ADCY8: variants seen among roughly 807,000 people sequenced by gnomAD.
ADCY8 encodes the protein adenylate cyclase 8, also known as adenylate cyclase type 8.
ADCY8 carries 51 observed loss-of-function variants against 119.7 expected under a neutral mutation model. That is an observed-to-expected ratio of 0.43 (90% CI 0.34 to 0.54). The LOEUF is 0.54. Ranked by LOEUF, ADCY8 falls within the 20% of genes least tolerant of loss-of-function variation. The pLI, the probability that ADCY8 is intolerant of heterozygous loss-of-function variation, is 0.03. For missense variants in ADCY8, 1,383 were observed against 1,598.8 expected (o/e 0.87, Z 2.30); for synonymous variants, 665 against 651.0 (o/e 1.02, Z -0.33).
intron 8 of ADCY8, among the ~76,000 whole-genome samples, chr8:130,883,193 C>T (rs111648316): frequency 1.3e-5 from 2 of 152,082 alleles, no homozygotes; most frequent in South Asian, 2.1e-4. Flanking sequence ...TAAATAAAAG[C>T]GTTTTGTATA....
At chr8:130,838,111 G>A (rs942089509) in intron 11 of ADCY8, among the ~76,000 whole-genome samples, 4 of 152,212 alleles carry the variant, frequency 2.6e-5, no homozygotes, top group East Asian at 1.9e-4. Context: ...ACTGAAGATT[G>A]TTTACAGATT....
At chr8:130,854,557 C>G (rs1665346727) in intron 9 of ADCY8, among the ~76,000 whole-genome samples, 1 of 152,124 alleles carries the variant, frequency 6.6e-6, no homozygotes, top group South Asian at 2.1e-4. Flanking sequence ...TGTCTTTGAT[C>G]CTTGCAGCAA....
In ADCY8 at chr8:130,836,345, A is replaced by C. The variant is rs764024717; in HGVS notation, c.2607T>G (p.Tyr869Ter). ...LAVLLIMIAI[Y>*]ALLTETVYAG... ...CGTAGACGGTCTCAGTGAGCAGGGC[A>C]TAGATGGCAATCATGATCAGCAGCA... is the stretch of plus-strand genomic sequence containing the variant. The change falls in exon 12 of 18, where the codon TAT (tyrosine) becomes TAG (stop). Residue 869 changes from tyrosine to a stop codon, truncating the protein, a stop_gained. Coordinates refer to ENST00000286355, the MANE Select transcript of ADCY8 (RefSeq NM_001115.3). LOFTEE classifies it high-confidence loss of function. The C allele has an allele frequency of 6.2e-7, 1 of 1,614,028 alleles. No homozygotes were observed. Among genetic ancestry groups the C allele is most frequent in the South Asian group, 1.1e-5 (1 of 91,078 alleles).
intron 2 of ADCY8, 72 bp from the exon 3 acceptor site, chr8:130,952,070 G>A: frequency 1.3e-6 from 2 of 1,569,958 alleles, no homozygotes; most frequent in Admixed American, 3.4e-5. Flanking sequence ...GGAGGGTGGA[G>A]AAGTCATGGG....
At chr8:130,964,743 C>G (rs1329841844) in intron 2 of ADCY8, among the ~76,000 whole-genome samples, 1 of 152,202 alleles carries the variant, frequency 6.6e-6, no homozygotes, top group African/African-American at 2.4e-5. Flanking sequence ...TAAAAAAATG[C>G]TTTCCACAGT....
At chr8:130,898,078 A>G (rs1205932274) in intron 7 of ADCY8, among the ~76,000 whole-genome samples, 1 of 152,188 alleles carries the variant, frequency 6.6e-6, no homozygotes, top group African/African-American at 2.4e-5. Flanking sequence ...ATATATCTTC[A>G]GGCCACAAAG....
At chr8:130,914,049 C>T (rs1820057519) in intron 5 of ADCY8, among the ~76,000 whole-genome samples, 1 of 152,174 alleles carries the variant, frequency 6.6e-6, no homozygotes. Context: ...TGCTTGTCTA[C>T]TATTTATGAA....
At chr8:131,036,391 G>T (rs1229732202) in intron 1 of ADCY8, among the ~76,000 whole-genome samples, 3 of 152,080 alleles carry the variant, frequency 2.0e-5, no homozygotes, top group African/African-American at 7.2e-5. Flanking sequence ...TGTATAGAAA[G>T]CTTTCACCAA....
At chr8:130,794,568 G>T (rs967346573) in intron 15 of ADCY8, among the ~76,000 whole-genome samples, 2 of 152,184 alleles carry the variant, frequency 1.3e-5, no homozygotes, top group Admixed American at 6.5e-5. Context: ...CACCAAATGT[G>T]TGGTACTTTG....
At chr8:130,825,292 T>C (rs917047077) in intron 12 of ADCY8, among the ~76,000 whole-genome samples, 6 of 152,180 alleles carry the variant, frequency 3.9e-5, no homozygotes, top group Non-Finnish European at 8.8e-5. Context: ...CATACTCCTC[T>C]TATCTAGTTG....
rs1822731589 is a variant in ADCY8, at chr8:130,995,088, A to C, written c.961-4546T>G. On this transcript the variant is annotated intron_variant, in intron 1 of 17. Transcript: ENST00000286355. ...TATACCTAGTTGGTGAAATGTGTGAATCTGGCAATATCTGTAAAAATTGAC... is the reference window on the plus strand; with the variant it reads ...TATACCTAGTTGGTGAAATGTGTGACTCTGGCAATATCTGTAAAAATTGAC... Among the ~76,000 whole-genome samples the C allele has an allele frequency of 2.0e-5, 3 of 152,294 alleles. No homozygotes were observed. In the South Asian group the frequency reaches 6.2e-4, roughly 32 times the overall value.
At chr8:130,808,016 A>G (rs1284006689) in intron 14 of ADCY8, among the ~76,000 whole-genome samples, 1 of 139,418 alleles carries the variant, frequency 7.2e-6, no homozygotes, top group South Asian at 2.3e-4. Flanking sequence ...AAAAAAAAAA[A>G]AAAAATTGGC....
intron 9 of ADCY8, among the ~76,000 whole-genome samples, chr8:130,853,260 C>T (rs1469775299): frequency 6.6e-6 from 1 of 152,262 alleles, no homozygotes; most frequent in East Asian, 1.9e-4. Context: ...CATCTCTTCT[C>T]TTTGGCCAGG....
chr8:130,930,978 G>A (rs1563733287), intron 5 of ADCY8, among the ~76,000 whole-genome samples: 2 of 152,062 alleles, frequency 1.3e-5, no homozygotes, highest in Non-Finnish European at 2.9e-5. Context: ...CATAAATCCT[G>A]TATTACTATA....
chr8:130,935,641 A>G (rs992595246), intron 5 of ADCY8: 1 of 152,246 alleles, frequency 6.6e-6, no homozygotes, highest in Non-Finnish European at 1.5e-5. Context: ...GTTTACAGAC[A>G]GCACTCCACT....
chr8:130,841,335 A>G (rs1035850229), intron 11 of ADCY8, among the ~76,000 whole-genome samples: 2 of 152,210 alleles, frequency 1.3e-5, no homozygotes, highest in Non-Finnish European at 2.9e-5. Context: ...TCTTCTGAAT[A>G]TACAAGGTTT....
At chr8:130,878,254 C>CGT (rs146346460) in intron 8 of ADCY8, among the ~76,000 whole-genome samples, 1,931 of 152,092 alleles carry the variant, frequency 0.013, 46 homozygotes, top group African/African-American at 0.044. Context: ...GGATTTTATA[C>CGT]GTGTGTGTGT....
chr8:130,826,253 A>AT, intron 12 of ADCY8, among the ~76,000 whole-genome samples: 1 of 152,212 alleles, frequency 6.6e-6, no homozygotes, highest in East Asian at 1.9e-4. Flanking sequence ...GAGATGATAA[A>AT]TTAGAAAGAG....
At chr8:130,843,225 T>C (rs1024408935) in intron 11 of ADCY8, among the ~76,000 whole-genome samples, 1 of 152,220 alleles carries the variant, frequency 6.6e-6, no homozygotes, top group Admixed American at 6.5e-5. Context: ...TCTAACCTAC[T>C]ACCCCATGAA....
Sources: gnomAD v4.1 joint callset for allele counts (sites outside exome capture counted in the v4.1 genomes callset) on GRCh38, gnomAD v4.1.1 for gene constraint, MANE v1.5 for transcripts, NCBI Gene and HGNC (gene_info 2026-07-23, HGNC 2026-07-21) for gene names.